YRDC: variants seen among roughly 807,000 people sequenced by gnomAD.
YRDC encodes yrdC N6-threonylcarbamoyltransferase domain containing, also known as threonylcarbamoyl-AMP synthase.
A neutral mutation model predicts 21.5 loss-of-function variants in YRDC; 17 were observed. The ratio of observed to expected loss-of-function variants is 0.79; its 90% CI spans 0.54 to 1.19. The LOEUF is 1.19. YRDC is among the 50% of genes most tolerant of loss of function. The probability of loss-of-function intolerance (pLI) is 0.00; values close to 1 mark genes in which losing one functional copy is unlikely to be tolerated. For synonymous variants in YRDC, 193 were observed against 176.7 expected (o/e 1.09, Z -0.73); for missense variants, 380 against 397.1 (o/e 0.96, Z 0.37).
intron 1 of YRDC, 139 bp from the exon 2 acceptor site, chr1:37,807,354 G>C (rs1249059142): frequency 3.7e-6 from 3 of 812,798 alleles, no homozygotes; most frequent in Non-Finnish European, 5.8e-6. Context: ...ACCTCCCTAA[G>C]AGCTTGAGCA....
intron 3 of YRDC, among the ~76,000 whole-genome samples, chr1:37,805,560 G>A (rs996363157): frequency 3.9e-5 from 6 of 152,186 alleles, no homozygotes; most frequent in Non-Finnish European, 8.8e-5. Flanking sequence ...TCTGGGACAG[G>A]AAATCATAAA....
Position 37,808,105 on chromosome 1 carries a change from C to T in YRDC, c.76G>A (p.Gly26Ser). Residue 26 changes from glycine to serine, a missense_variant, in exon 1 of 5, where the codon GGC becomes AGC. Gly to Ser is a moderately conservative substitution (Grantham distance 56). Transcript: ENST00000373044. ...ASVGLSEGPA[G>S]SRSGRLFRPP... ...CGGAAGAGGCGACCGCTCCGGGAGC[C>T]AGCAGGCCCCTCGCTCAACCCCACG... 1 of 1,438,872 alleles carries T rather than the reference C, an allele frequency of 6.9e-7. No individual in the cohort carries two copies. The highest frequency in any genetic ancestry group is 9.1e-7 in the Non-Finnish European group (1 of 1,100,650). 89.1% of individuals were successfully genotyped at this position (1,438,872 alleles called of 1,614,324 possible).
intron 4 of YRDC, 107 bp downstream of exon 4, chr1:37,804,195 C>A (rs1646720469): frequency 6.6e-7 from 1 of 1,525,554 alleles, no homozygotes; most frequent in Admixed American, 2.0e-5. Context: ...CTGGCCCACA[C>A]TCCTTCAGGG....
chr1:37,805,257 C>CAAACA (rs1198844897), intron 3 of YRDC, among the ~76,000 whole-genome samples: 1 of 151,994 alleles, frequency 6.6e-6, no homozygotes, highest in African/African-American at 2.4e-5. Context: ...GAGACTGTCT[C>CAAACA]AAACAAAACA....
intron 2 of YRDC, 36 bp from the exon 3 acceptor site, chr1:37,807,012 T>C (rs1222649050): frequency 6.2e-7 from 1 of 1,614,166 alleles, no homozygotes; most frequent in South Asian, 1.1e-5. Context: ...TGAGAAAGGT[T>C]GGAAGGGATA....
intron 1 of YRDC, 119 bp downstream of exon 1, chr1:37,807,673 A>T: frequency 2.2e-6 from 3 of 1,336,242 alleles, no homozygotes; most frequent in Non-Finnish European, 1.9e-6. Context: ...CCAGTTCCGG[A>T]TTCCTTGGTG....
chr1:37,804,617 A>G (rs1646723199), intron 3 of YRDC, among the ~76,000 whole-genome samples, 173 bp from the exon 4 acceptor site: 1 of 152,238 alleles, frequency 6.6e-6, no homozygotes, highest in African/African-American at 2.4e-5. Context: ...ACTGTATTCT[A>G]TGAGGTTTGG....
Position 37,808,110 on chromosome 1 carries a change from G to T in YRDC, c.71C>A (p.Pro24His). The change falls in exon 1 of 5, where the codon CCT becomes CAT. Residue 24 changes from proline to histidine, a missense_variant. Transcript: ENST00000373044. ...VAASVGLSEG[P>H]AGSRSGRLFR... ...GAGGCGACCGCTCCGGGAGCCAGCA[G>T]GCCCCTCGCTCAACCCCACGCTGGC... 6.9e-7 allele frequency: 1 copy of T among 1,444,358 alleles called. No individual in the cohort carries two copies. The highest frequency in any genetic ancestry group is 9.1e-7 in the Non-Finnish European group (1 of 1,103,652). The allele number at this position is 1,444,358 out of a possible 1,614,324, so 89.5% of individuals were successfully genotyped here.
intron 1 of YRDC, 81 bp downstream of exon 1, chr1:37,807,711 G>C: frequency 7.3e-7 from 1 of 1,371,252 alleles, no homozygotes; most frequent in Non-Finnish European, 9.4e-7. Flanking sequence ...CCCGCTCTCT[G>C]CGCCTCAGTC....
Position 37,803,123 on chromosome 1 carries a change from TAAG to T in YRDC, c.*799_*801del, listed in dbSNP as rs1646713331. On this transcript the variant is annotated 3_prime_UTR_variant, in exon 5 of 5. Transcript: ENST00000373044. ...AACTATAATTTATTTTATGAATAAATAAGAAAAAAGTCCCTGGCTATAAAGGAT... is the reference window on the plus strand; with the variant it reads ...AACTATAATTTATTTTATGAATAAATAAAAAAGTCCCTGGCTATAAAGGAT... 6.6e-6 allele frequency: 1 copy of T among 152,274 alleles called. No individual in the cohort carries two copies. The highest frequency in any genetic ancestry group is 2.4e-5 in the African/African-American group (1 of 41,550). The allele number at this position is 152,274 out of a possible 1,614,324, so 9.4% of individuals were successfully genotyped here. A position where few individuals can be genotyped will look rare whatever the true frequency, so the allele number is the denominator to read the frequency against.
chr1:37,806,613 T>C (rs1191249843), intron 3 of YRDC, among the ~76,000 whole-genome samples: 1 of 152,212 alleles, frequency 6.6e-6, no homozygotes, highest in Non-Finnish European at 1.5e-5. Flanking sequence ...ATCTTTCCTA[T>C]TATTATAAAG....
At chr1:37,805,235 G>C (rs1303471178) in intron 3 of YRDC, among the ~76,000 whole-genome samples, 1 of 152,172 alleles carries the variant, frequency 6.6e-6, no homozygotes, top group Non-Finnish European at 1.5e-5. Context: ...ACTCCAGCCT[G>C]GGCAAGAGAG....
intron 3 of YRDC, among the ~76,000 whole-genome samples, chr1:37,805,152 CG>C (rs1232495013): frequency 2.0e-5 from 3 of 152,082 alleles, no homozygotes; most frequent in African/African-American, 7.2e-5. Context: ...GCTACTCACT[CG>C]GGAGGCTGAG....
At position 37,803,833 on chromosome 1, in the gene YRDC, G is replaced by T; in HGVS notation, c.*92C>A. 7.1e-7 allele frequency: 1 copy of T among 1,403,138 alleles called. No individual in the cohort carries two copies. The highest frequency in any genetic ancestry group is 1.0e-6 in the Non-Finnish European group (1 of 1,001,582). 86.9% of individuals were successfully genotyped at this position (1,403,138 alleles called of 1,614,324 possible). ...AAAGTCAGGCTAGTGCCCTAGCTCCGGTGGCCTCTGCAAATGAGGCCTTGA... is the reference window on the plus strand; with the variant it reads ...AAAGTCAGGCTAGTGCCCTAGCTCCTGTGGCCTCTGCAAATGAGGCCTTGA... On this transcript the variant is annotated 3_prime_UTR_variant, in exon 5 of 5. Transcript: ENST00000373044.
Position 37,803,973 on chromosome 1 carries a change from G to A in YRDC, c.792C>T (p.Ile264=), listed in dbSNP as rs757266243. 1.9e-6 allele frequency: 3 copies of A among 1,614,200 alleles called. No individual in the cohort carries two copies. The highest frequency in any genetic ancestry group is 2.5e-6 in the Non-Finnish European group (3 of 1,180,036). ...GGAGCAGTCCGTACTTCTGTTGGAG[G>A]ATGGCTGTAGTACTTTCCAGGGCAC... is the stretch of plus-strand genomic sequence containing the variant. ...PGCALESTTA[I]LQQKYGLLPS... is the part of the protein sequence containing the mutation. Residue 264 remains isoleucine (I), a synonymous_variant, in exon 5 of 5, where the codon ATC becomes ATT. Coordinates refer to ENST00000373044, the MANE Select transcript of YRDC (RefSeq NM_024640.4).
Position 37,808,011 on chromosome 1 carries a change from T to A in YRDC, c.170A>T (p.Gln57Leu), listed in dbSNP as rs1375735315. Reference sequence around the variant, plus strand: ...GCCGGCGCGCTCCGGGCTCGCGGCCTGCACGGCCCCGCTCCCCGGGAGCCG... The same window carrying A: ...GCCGGCGCGCTCCGGGCTCGCGGCCAGCACGGCCCCGCTCCCCGGGAGCCG... ...LLRLPGSGAVQAASPERAGWT... is the reference protein window; with the variant it reads ...LLRLPGSGAVLAASPERAGWT... The change falls in exon 1 of 5, where the codon CAG (glutamine) becomes CTG (leucine). Residue 57 changes from glutamine to leucine, a missense_variant. Coordinates refer to ENST00000373044, the MANE Select transcript of YRDC (RefSeq NM_024640.4). The A allele has an allele frequency of 1.6e-6, 2 of 1,221,522 alleles. No homozygotes were observed. The highest frequency in any genetic ancestry group is 2.0e-6 in the Non-Finnish European group (2 of 981,438). 75.7% of individuals were successfully genotyped at this position (1,221,522 alleles called of 1,614,324 possible). A position where few individuals can be genotyped will look rare whatever the true frequency, so the allele number is the denominator to read the frequency against.
chr1:37,808,103 G>T lies in YRDC; in HGVS notation c.78C>A (p.Gly26=), dbSNP rs1320545203. Residue 26 remains glycine (G), a synonymous_variant, in exon 1 of 5, where the codon GGC becomes GGA. Transcript: ENST00000373044. ...ASVGLSEGPA[G]SRSGRLFRPP... ...GGCGGAAGAGGCGACCGCTCCGGGA[G>T]CCAGCAGGCCCCTCGCTCAACCCCA... The T allele has an allele frequency of 1.4e-6, 2 of 1,425,870 alleles. No homozygotes were observed. The highest frequency in any genetic ancestry group is 2.8e-5 in the South Asian group (2 of 71,198). 88.3% of individuals were successfully genotyped at this position (1,425,870 alleles called of 1,614,324 possible).
At chr1:37,804,278 C>T (rs1398571871) in intron 4 of YRDC, 24 bp downstream of exon 4, 2 of 1,602,816 alleles carry the variant, frequency 1.2e-6, no homozygotes, top group Admixed American at 3.4e-5. Flanking sequence ...AATTATTTCC[C>T]CACACCACAG....
chr1:37,804,069 G>C, intron 4 of YRDC, 72 bp from the exon 5 acceptor site: 4 of 1,571,762 alleles, frequency 2.5e-6, no homozygotes, highest in Non-Finnish European at 1.8e-6. Flanking sequence ...CTGGTGAGCA[G>C]GGACATCGAA....
Sources: gnomAD v4.1 joint callset for allele counts (sites outside exome capture counted in the v4.1 genomes callset) on GRCh38, gnomAD v4.1.1 for gene constraint, MANE v1.5 for transcripts, NCBI Gene and HGNC (gene_info 2026-07-23, HGNC 2026-07-21) for gene names.